MXD4: variants seen among roughly 807,000 people sequenced by gnomAD.
MXD4 encodes MAX dimerization protein 4.
Under a neutral mutation model 24.5 loss-of-function variants are expected in MXD4, and 16 were observed. That is an observed-to-expected ratio of 0.65 (90% confidence interval 0.44 to 0.99). MXD4 has a LOEUF of 0.99. Ranked by LOEUF, MXD4 falls within the 50% of genes least tolerant of loss-of-function variation. The pLI is 0.00. For synonymous variants in MXD4, 164 were observed against 134.2 expected, an observed-to-expected ratio of 1.22 and a Z score of -1.54; for missense variants, 301 against 301.5, an observed-to-expected ratio of 1.00 and a Z score of 0.01.
intron 2 of MXD4, chr4:2,258,914 A>G (rs1166133579): frequency 2.2e-6 from 1 of 456,082 alleles, no homozygotes; most frequent in African/African-American, 2.0e-5. Flanking sequence ...GCGGGCACAC[A>G]ATTCCCAGCA....
intron 3 of MXD4, chr4:2,252,796 C>T (rs1391314275): frequency 1.1e-5 from 4 of 371,288 alleles, no homozygotes; most frequent in Non-Finnish European, 2.0e-5. Flanking sequence ...CCTAGGAGCC[C>T]CAGCTCGCCC....
At chr4:2,258,233 C>T (rs1025658837) in intron 2 of MXD4, among the ~76,000 whole-genome samples, 3 of 152,190 alleles carry the variant, frequency 2.0e-5, no homozygotes, top group African/African-American at 7.2e-5. Flanking sequence ...GCTTTGGGTA[C>T]TCCGTGCCGG....
chr4:2,260,321 C>T (rs776546241), intron 2 of MXD4, among the ~76,000 whole-genome samples: 2 of 152,248 alleles, frequency 1.3e-5, no homozygotes, highest in South Asian at 2.1e-4. Context: ...CCTCTCCTTG[C>T]CTCAGTTTCC....
chr4:2,257,970 G>A lies in MXD4; in HGVS notation c.194+12C>T, dbSNP rs201616610. 5.6e-6 allele frequency: 9 copies of A among 1,613,706 alleles called. No individual in the cohort carries two copies. The East Asian group carries it at 2.0e-4, about 36-fold the overall frequency. ...GTGTCGGGCTCATGTGGGGAACTGG[G>A]GGGTCACTTACCTGTGCTTTTCTAG... On this transcript the variant is annotated intron_variant, in intron 3 of 5. Coordinates refer to ENST00000337190, the MANE Select transcript of MXD4 (RefSeq NM_006454.3).
At chr4:2,259,704 G>T (rs1735500207) in intron 2 of MXD4, among the ~76,000 whole-genome samples, 1 of 152,168 alleles carries the variant, frequency 6.6e-6, no homozygotes, top group Non-Finnish European at 1.5e-5. Context: ...GAGACCCTTG[G>T]GGTCCATCGA....
At chr4:2,258,117 G>A in intron 2 of MXD4, 106 bp from the exon 3 acceptor site, 1 of 1,411,368 alleles carries the variant, frequency 7.1e-7, no homozygotes. Flanking sequence ...GTGGCTGGCT[G>A]TGTCTGGGTC....
At chr4:2,255,050 G>C (rs948898195) in intron 3 of MXD4, 15 of 353,454 alleles carry the variant, frequency 4.2e-5, no homozygotes, top group African/African-American at 2.6e-4. Context: ...GTGTAAACCA[G>C]AGGGTCATCA....
intron 4 of MXD4, among the ~76,000 whole-genome samples, chr4:2,251,565 C>T (rs1409753888): frequency 6.6e-6 from 1 of 152,248 alleles, no homozygotes; most frequent in East Asian, 1.9e-4. Context: ...GTCAGTGCTA[C>T]CCAATCTTTG....
intron 2 of MXD4, among the ~76,000 whole-genome samples, chr4:2,261,302 C>A (rs1386445854): frequency 6.6e-6 from 1 of 152,120 alleles, no homozygotes; most frequent in East Asian, 1.9e-4. Context: ...CCCACCCACC[C>A]GCGGAGAGAA....
intron 5 of MXD4, 52 bp downstream of exon 5, chr4:2,251,032 C>A: frequency 6.7e-7 from 1 of 1,483,610 alleles, no homozygotes; most frequent in Non-Finnish European, 9.0e-7. Context: ...GGGAGCTGCA[C>A]CACTGCGCAC....
intron 4 of MXD4, among the ~76,000 whole-genome samples, chr4:2,251,580 G>A (rs937950922): frequency 6.6e-6 from 1 of 152,258 alleles, no homozygotes; most frequent in Admixed American, 6.5e-5. Context: ...TCTTTGGCTG[G>A]CACCGTCTCC....
chr4:2,259,531 G>A (rs1051870176), intron 2 of MXD4, among the ~76,000 whole-genome samples: 6 of 152,220 alleles, frequency 3.9e-5, no homozygotes, highest in African/African-American at 1.4e-4. Flanking sequence ...GCCTGGCCAC[G>A]TGGGTCTGTA....
At chr4:2,260,916 C>A (rs1199276319) in intron 2 of MXD4, among the ~76,000 whole-genome samples, 3 of 152,144 alleles carry the variant, frequency 2.0e-5, no homozygotes, top group Non-Finnish European at 4.4e-5. Flanking sequence ...CCCCGGGGAG[C>A]CCCGGCCCAG....
chr4:2,255,887 G>GGCTGCC (rs913291820), intron 3 of MXD4, among the ~76,000 whole-genome samples: 1 of 152,186 alleles, frequency 6.6e-6, no homozygotes, highest in African/African-American at 2.4e-5. Context: ...CAGAGAGCCT[G>GGCTGCC]GCTGCCGCTG....
Position 2,262,090 on chromosome 4 carries a change from C to A in MXD4, c.-110G>T. 2 of 446,492 alleles carry A rather than the reference C, an allele frequency of 4.5e-6. No individual in the cohort carries two copies. Among genetic ancestry groups the A allele is most frequent in the Non-Finnish European group, 5.9e-6 (2 of 337,212 alleles). 27.7% of individuals were successfully genotyped at this position (446,492 alleles called of 1,614,324 possible). ...CGCGCCCGGCCGCCGCACTTCCAGA[C>A]TCCGCGGACTCCGGCGCTCGGCCGC... On this transcript the variant is annotated 5_prime_UTR_variant, in exon 1 of 6. Transcript: ENST00000337190.
In MXD4 at chr4:2,250,157, T is replaced by C. The variant is rs920793163; in HGVS notation, c.*387A>G. On this transcript the variant is annotated 3_prime_UTR_variant, in exon 6 of 6. Transcript: ENST00000337190. The stretch of plus-strand genomic sequence containing the variant: ...CCTTCCTCGGTCCACTCCTTTCTCC[T>C]GGGATCCAGGGTTGGGGTCTGAGCT... 7 of 217,426 alleles carry C rather than the reference T, an allele frequency of 3.2e-5. No individual in the cohort carries two copies. The highest frequency in any genetic ancestry group is 1.6e-4 in the African/African-American group (7 of 43,734). The allele number at this position is 217,426 out of a possible 1,614,324, so 13.5% of individuals were successfully genotyped here.
At chr4:2,257,678 C>T (rs949398224) in intron 3 of MXD4, among the ~76,000 whole-genome samples, 1 of 152,238 alleles carries the variant, frequency 6.6e-6, no homozygotes, top group Non-Finnish European at 1.5e-5. Flanking sequence ...AGACCACTGT[C>T]CTGAAAGCCA....
intron 4 of MXD4, among the ~76,000 whole-genome samples, chr4:2,251,769 G>GC (rs1735327628): frequency 6.6e-6 from 1 of 152,174 alleles, no homozygotes; most frequent in African/African-American, 2.4e-5. Flanking sequence ...CTCTGGTTGT[G>GC]CCCCTCTCAA....
At chr4:2,261,089 G>T (rs1030773883) in intron 2 of MXD4, among the ~76,000 whole-genome samples, 5 of 152,242 alleles carry the variant, frequency 3.3e-5, no homozygotes, top group East Asian at 1.9e-4. Context: ...CCCTTAAAAG[G>T]CCTCTGTCTT....
Sources: allele counts gnomAD v4.1 joint callset (sites outside exome capture counted in the v4.1 genomes callset), GRCh38; gene constraint gnomAD v4.1.1; transcripts MANE v1.5; gene names NCBI Gene and HGNC (gene_info 2026-07-23, HGNC 2026-07-21).